MGST1: variants seen among roughly 807,000 people sequenced by gnomAD.
MGST1 encodes the protein microsomal glutathione S-transferase 1, also known as glutathione S-transferase 12.
MGST1 carries 5 observed loss-of-function variants against 8.9 expected under a neutral mutation model. The observed-to-expected ratio is 0.56, with a 90% CI of 0.29 to 1.19. The LOEUF (loss-of-function observed/expected upper bound fraction) is 1.19. Ranked by LOEUF, MGST1 falls within the 50% of genes most tolerant of loss-of-function variation. The pLI is 0.08. For synonymous variants in MGST1, 54 were observed against 67.8 expected, an observed-to-expected ratio of 0.80 and a Z score of 1.00; for missense variants, 182 against 187.4, an observed-to-expected ratio of 0.97 and a Z score of 0.17.
chr12:16,411,001 G>A (rs1287061885), intron 1 of MGST1, among the ~76,000 whole-genome samples: 3 of 152,064 alleles, frequency 2.0e-5, no homozygotes, highest in Non-Finnish European at 4.4e-5. Flanking sequence ...TGCCTGCAAT[G>A]CTATGCTTCC....
chr12:16,451,538 T>G (rs1187362715), intron 4 of MGST1, among the ~76,000 whole-genome samples: 3 of 151,984 alleles, frequency 2.0e-5, no homozygotes. Flanking sequence ...TCTTGAAAGA[T>G]TTTATAGAAA....
At chr12:16,541,921 G>C (rs1358335242) in intron 4 of MGST1, among the ~76,000 whole-genome samples, 1 of 152,178 alleles carries the variant, frequency 6.6e-6, no homozygotes, top group Non-Finnish European at 1.5e-5. Flanking sequence ...ACAAAAGTAA[G>C]TCAGTCATGG....
intron 1 of MGST1, among the ~76,000 whole-genome samples, chr12:16,388,474 A>C (rs1940523917): frequency 6.6e-6 from 1 of 152,138 alleles, no homozygotes; most frequent in South Asian, 2.1e-4. Context: ...GGCTCACACT[A>C]GCTGGCAGGG....
In MGST1 at chr12:16,537,980, C is replaced by A. The variant is rs1484874445; in HGVS notation, n.483-51548C>A. On this transcript the variant is annotated intron_variant and non_coding_transcript_variant, in intron 4 of 4. Transcript: ENST00000538857. The surrounding 1 kb of genome is among the most constrained non-coding windows in gnomAD (Gnocchi z 4.6). ...TCTGCAGCCAGCTTGAATTTCTTCTCAAAAAATGGGTTGTTCTTTTCTACT... is the reference window on the plus strand; with the variant it reads ...TCTGCAGCCAGCTTGAATTTCTTCTAAAAAAATGGGTTGTTCTTTTCTACT... Among the ~76,000 whole-genome samples, 3 of 152,088 alleles carry A rather than the reference C, an allele frequency of 2.0e-5. No individual in the cohort carries two copies. Among genetic ancestry groups the A allele is most frequent in the Non-Finnish European group, 4.4e-5 (3 of 67,994 alleles).
chr12:16,490,296 T>C (rs919446913), intron 4 of MGST1, among the ~76,000 whole-genome samples: 43 of 152,124 alleles, frequency 2.8e-4, no homozygotes, highest in African/African-American at 1.0e-3. Context: ...TAAGATCCAT[T>C]GGTTGTGGCC....
At chr12:16,450,903 G>A (rs1050309572) in intron 4 of MGST1, among the ~76,000 whole-genome samples, 1 of 151,032 alleles carries the variant, frequency 6.6e-6, no homozygotes, top group Non-Finnish European at 1.5e-5. Flanking sequence ...AGACATAAAG[G>A]ACCAAATCTA....
At chr12:16,354,415 G>T (rs2947101) in intron 2 of MGST1, 37 bp downstream of exon 2, 1 of 1,572,960 alleles carries the variant, frequency 6.4e-7, no homozygotes, top group Admixed American at 2.1e-5. Context: ...TTACTTTTAA[G>T]AGTTGGAATT....
chr12:16,403,097 A>G (rs1378895900), intron 1 of MGST1, among the ~76,000 whole-genome samples: 1 of 152,034 alleles, frequency 6.6e-6, no homozygotes, highest in Non-Finnish European at 1.5e-5. Context: ...TAGCCTTTCA[A>G]CTTCGTAATA....
chr12:16,547,287 C>T lies in MGST1; in HGVS notation n.483-42241C>T, dbSNP rs567870572. On this transcript the variant is annotated intron_variant and non_coding_transcript_variant, in intron 4 of 4. Coordinates refer to the MGST1 transcript ENST00000538857. This position sits in a 1 kb window ranked among gnomAD's most constrained non-coding sequence, Gnocchi z 4.6. ...AAAGAGAGGCAGCTTCATTTATAAC[C>T]GCTATTTCAACAGAGCTCTATTGTA... Among the ~76,000 whole-genome samples the T allele has an allele frequency of 6.4e-4, 97 of 152,188 alleles. No individual in the cohort carries two copies. Among genetic ancestry groups the T allele is most frequent in the East Asian group, 4.4e-3 (23 of 5,180 alleles).
chr12:16,477,597 AATG>A (rs1439689900), intron 4 of MGST1, among the ~76,000 whole-genome samples: 1 of 152,216 alleles, frequency 6.6e-6, no homozygotes, highest in East Asian at 1.9e-4. Context: ...GTATTTGAAC[AATG>A]ATATTTGTAG....
At chr12:16,414,639 T>C (rs949877788) in intron 1 of MGST1, among the ~76,000 whole-genome samples, 5 of 151,934 alleles carry the variant, frequency 3.3e-5, no homozygotes, top group African/African-American at 4.8e-5. Flanking sequence ...ATAGTCTCCA[T>C]CTCCTGACCT....
chr12:16,521,763 A>T (rs1941649578), intron 4 of MGST1, among the ~76,000 whole-genome samples: 1 of 152,152 alleles, frequency 6.6e-6, no homozygotes, highest in African/African-American at 2.4e-5. Flanking sequence ...AGAATTTATG[A>T]GCTGAGATTA....
intron 4 of MGST1, among the ~76,000 whole-genome samples, chr12:16,567,796 T>C (rs1417794323): frequency 6.6e-6 from 1 of 152,010 alleles, no homozygotes; most frequent in Admixed American, 6.6e-5. Context: ...ATCCCTCTCC[T>C]ACACTCAGGC....
downstream of MGST1, among the ~76,000 whole-genome samples, chr12:16,381,869 C>T (rs1356583183): frequency 6.6e-6 from 1 of 152,152 alleles, no homozygotes; most frequent in Admixed American, 6.5e-5. Flanking sequence ...CTTCTCTTCT[C>T]GCTTCGTTTC....
chr12:16,511,217 T>C (rs1941574992), intron 4 of MGST1, among the ~76,000 whole-genome samples: 1 of 152,264 alleles, frequency 6.6e-6, no homozygotes, highest in African/African-American at 2.4e-5. Flanking sequence ...TTCCTCCTGA[T>C]AGTCATTGAT....
At chr12:16,398,914 T>G (rs1337260135) in intron 1 of MGST1, among the ~76,000 whole-genome samples, 1 of 152,216 alleles carries the variant, frequency 6.6e-6, no homozygotes, top group Non-Finnish European at 1.5e-5. Flanking sequence ...AAGGGTCACC[T>G]TGTACCACTG....
At chr12:16,406,880 C>A (rs1373916212) in intron 1 of MGST1, among the ~76,000 whole-genome samples, 1 of 152,208 alleles carries the variant, frequency 6.6e-6, no homozygotes, top group Non-Finnish European at 1.5e-5. Flanking sequence ...GGACCCCTTT[C>A]TTACATCGCA....
intron 1 of MGST1, among the ~76,000 whole-genome samples, chr12:16,420,138 A>G (rs983550374): frequency 6.8e-6 from 1 of 146,570 alleles, no homozygotes; most frequent in Non-Finnish European, 1.5e-5. Flanking sequence ...ATCATACAAA[A>G]TAATTTTTTC....
intron 4 of MGST1, among the ~76,000 whole-genome samples, chr12:16,464,920 T>G (rs34396): frequency 1 from 152,235 of 152,298 alleles, 76,086 homozygotes; most frequent in Non-Finnish European, 1. Flanking sequence ...TGCTTTCTAT[T>G]GGCTCATGCC....
Sources: allele counts gnomAD v4.1 joint callset (sites outside exome capture counted in the v4.1 genomes callset), GRCh38; gene constraint gnomAD v4.1.1; non-coding constraint Gnocchi (gnomAD v3.1); transcripts MANE v1.5; gene names NCBI Gene and HGNC (gene_info 2026-07-23, HGNC 2026-07-21).